MND1: variants seen among roughly 807,000 people sequenced by gnomAD.
MND1 encodes meiotic nuclear divisions 1.
A neutral mutation model predicts 35.1 loss-of-function variants in MND1; 28 were observed. The ratio of observed to expected loss-of-function variants is 0.80; its 90% CI spans 0.59 to 1.09. MND1 has a LOEUF of 1.09. Among genes scored for constraint, MND1 ranks in the 50% least tolerant of loss-of-function variants. MND1 has a pLI of 0.00. For synonymous variants in MND1, 69 were observed against 70.5 expected, an observed-to-expected ratio of 0.98 and a Z score of 0.11; for missense variants, 213 against 239.6, an observed-to-expected ratio of 0.89 and a Z score of 0.73.
intron 4 of MND1, among the ~76,000 whole-genome samples, chr4:153,368,783 A>T (rs959447056): frequency 2.0e-5 from 3 of 152,088 alleles, no homozygotes; most frequent in Non-Finnish European, 2.9e-5. Context: ...GTGTATTCTA[A>T]ATGAATACTA....
intron 4 of MND1, among the ~76,000 whole-genome samples, chr4:153,380,933 T>A (rs936942655): frequency 7.9e-5 from 12 of 151,874 alleles, no homozygotes; most frequent in African/African-American, 2.9e-4. Flanking sequence ...AGACTGTCGC[T>A]CTGTTGCCCA....
chr4:153,401,412 T>C (rs1299722236), intron 6 of MND1, among the ~76,000 whole-genome samples: 2 of 152,100 alleles, frequency 1.3e-5, no homozygotes, highest in African/African-American at 4.8e-5. Context: ...GTTTTTCAAA[T>C]TTGATGAAAA....
At chr4:153,345,395 G>A in intron 1 of MND1, 1 of 985,550 alleles carries the variant, frequency 1.0e-6, no homozygotes, top group Non-Finnish European at 1.2e-6. Context: ...CAAAGGGCAG[G>A]AGTCGCTGCT....
At chr4:153,355,504 A>C (rs1773317601) in intron 2 of MND1, 150 bp from the exon 3 acceptor site, 1 of 558,882 alleles carries the variant, frequency 1.8e-6, no homozygotes, top group African/African-American at 1.9e-5. Context: ...ATTTCATCAT[A>C]ACACATTGTA....
At chr4:153,383,739 C>T (rs1728773350) in intron 4 of MND1, among the ~76,000 whole-genome samples, 1 of 152,210 alleles carries the variant, frequency 6.6e-6, no homozygotes, top group Admixed American at 6.5e-5. Flanking sequence ...GTAAAGGGCA[C>T]ATCCGCTTCC....
intron 4 of MND1, among the ~76,000 whole-genome samples, chr4:153,378,514 C>T (rs564427395): frequency 6.6e-6 from 1 of 152,258 alleles, no homozygotes; most frequent in South Asian, 2.1e-4. Flanking sequence ...TTTTCTAAAG[C>T]TTTAATATGC....
At chr4:153,379,342 C>A (rs1465005343) in intron 4 of MND1, among the ~76,000 whole-genome samples, 10 of 148,408 alleles carry the variant, frequency 6.7e-5, no homozygotes, top group African/African-American at 2.5e-4. Context: ...AAAAAGAAAC[C>A]ACAAAAGCTA....
intron 4 of MND1, among the ~76,000 whole-genome samples, chr4:153,386,681 A>C (rs1366592932): frequency 2.6e-5 from 4 of 152,142 alleles, no homozygotes; most frequent in Non-Finnish European, 5.9e-5. Context: ...ACACCACTGC[A>C]CTCCAGCTTG....
At chr4:153,384,414 T>G (rs544808300) in intron 4 of MND1, among the ~76,000 whole-genome samples, 1 of 147,590 alleles carries the variant, frequency 6.8e-6, no homozygotes, top group South Asian at 2.2e-4. Flanking sequence ...GGACTACAGG[T>G]GCATGCCACC....
intron 1 of MND1, among the ~76,000 whole-genome samples, chr4:153,346,774 C>G (rs1251313413): frequency 6.6e-6 from 1 of 152,188 alleles, no homozygotes; most frequent in Non-Finnish European, 1.5e-5. Context: ...CTCCTCATTG[C>G]CTGCCTCTGG....
chr4:153,348,755 C>T (rs1208240597), intron 1 of MND1, among the ~76,000 whole-genome samples: 1 of 152,090 alleles, frequency 6.6e-6, no homozygotes, highest in Non-Finnish European at 1.5e-5. Context: ...AAGTGATCCT[C>T]CAGCCTCAGC....
At chr4:153,382,919 C>T (rs990051999) in intron 4 of MND1, among the ~76,000 whole-genome samples, 39 of 152,116 alleles carry the variant, frequency 2.6e-4, no homozygotes, top group African/African-American at 9.2e-4. Context: ...GCCTAGACAA[C>T]TTGAGTGACA....
Position 153,350,046 on chromosome 4 carries a change from T to G in MND1, c.4-18T>G, listed in dbSNP as rs182397375. The G allele has an allele frequency of 1.3e-3, 2,056 of 1,550,738 alleles. No individual in the cohort carries two copies. The highest frequency in any genetic ancestry group is 1.6e-3 in the Non-Finnish European group (1,874 of 1,138,988). ...TGTGTTTAAAAGCATTGTTTACTTG[T>G]TAATTTTTTTGCTTTAGTCAAAGAA... On this transcript the variant is annotated intron_variant, in intron 1 of 7. Transcript: ENST00000240488.
intron 6 of MND1, among the ~76,000 whole-genome samples, chr4:153,400,703 C>A (rs1729325450): frequency 6.6e-6 from 1 of 152,070 alleles, no homozygotes; most frequent in Non-Finnish European, 1.5e-5. Context: ...CCGAGTGAGA[C>A]CCTGTTTCTT....
Position 153,344,714 on chromosome 4 carries a change from A to T in MND1, c.-24A>T, listed in dbSNP as rs773454564. ...CCTCTCCCCAAGCGCGGGCCCGGCC[A>T]GCGGAAGCCCCTGCGCCCGCGCCAT... On this transcript the variant is annotated 5_prime_UTR_variant, in exon 1 of 8. Coordinates refer to ENST00000240488, the MANE Select transcript of MND1 (RefSeq NM_032117.4). 23 of 1,586,988 alleles carry T rather than the reference A, an allele frequency of 1.4e-5. No homozygotes were observed. The highest frequency in any genetic ancestry group is 1.9e-5 in the Non-Finnish European group (22 of 1,167,928).
intron 2 of MND1, among the ~76,000 whole-genome samples, chr4:153,353,216 C>G (rs968046427): frequency 6.6e-6 from 1 of 151,866 alleles, no homozygotes; most frequent in Non-Finnish European, 1.5e-5. Context: ...TGATCTCATA[C>G]TCGCACTAAG....
intron 6 of MND1, among the ~76,000 whole-genome samples, chr4:153,398,519 C>T (rs1729261178): frequency 6.6e-6 from 1 of 152,184 alleles, no homozygotes; most frequent in Admixed American, 6.5e-5. Context: ...CAGGTCGCTG[C>T]TTTGCGCAAC....
intron 4 of MND1, among the ~76,000 whole-genome samples, chr4:153,392,304 A>T (rs1729069362): frequency 6.6e-6 from 1 of 151,982 alleles, no homozygotes; most frequent in Non-Finnish European, 1.5e-5. Flanking sequence ...ACGGGGTTTC[A>T]CCATGTTAGC....
chr4:153,386,576 C>T (rs1037035098), intron 4 of MND1, among the ~76,000 whole-genome samples: 4 of 151,820 alleles, frequency 2.6e-5, no homozygotes, highest in Non-Finnish European at 5.9e-5. Context: ...ATTAGTCAGG[C>T]GTGGTGGCAT....
Sources: gnomAD v4.1 joint callset for allele counts (sites outside exome capture counted in the v4.1 genomes callset) on GRCh38, gnomAD v4.1.1 for gene constraint, MANE v1.5 for transcripts, NCBI Gene and HGNC (gene_info 2026-07-23, HGNC 2026-07-21) for gene names.